The following MYO18B variants were observed in gnomAD, a reference collection of about 807,000 sequenced individuals.
MYO18B encodes the protein unconventional myosin-XVIIIb.
Under a neutral mutation model 273.0 loss-of-function variants are expected in MYO18B, and 204 were observed. The ratio of observed to expected loss-of-function variants is 0.75; its 90% CI spans 0.67 to 0.84. MYO18B has a LOEUF of 0.84. Ranked by LOEUF, MYO18B falls within the 40% of genes least tolerant of loss-of-function variation. The pLI is 0.00. For synonymous variants in MYO18B, 1,330 were observed against 1,305.7 expected (o/e 1.02, Z -0.40); for missense variants, 3,212 against 3,287.6 (o/e 0.98, Z 0.56).
intron 27 of MYO18B, among the ~76,000 whole-genome samples, chr22:25,891,613 A>G (rs922875599): frequency 6.6e-6 from 1 of 152,242 alleles, no homozygotes; most frequent in Non-Finnish European, 1.5e-5. Context: ...TAATCCAACA[A>G]TATCCCAGGT....
intron 21 of MYO18B, among the ~76,000 whole-genome samples, chr22:25,858,661 GA>G (rs1302929551): frequency 1.3e-5 from 2 of 150,986 alleles, no homozygotes; most frequent in African/African-American, 4.9e-5. Context: ...GGATGTGACT[GA>G]AATCAGTTAG....
chr22:26,027,211 C>T lies in MYO18B; in HGVS notation c.7237C>T (p.His2413Tyr). 1.2e-6 allele frequency: 2 copies of T among 1,613,976 alleles called. No homozygotes were observed. Among genetic ancestry groups the T allele is most frequent in the Non-Finnish European group, 1.7e-6 (2 of 1,179,886 alleles). Reference sequence around the variant, plus strand: ...TGTTTTCCAGAACCGCCAGTTTGCCCACCTGATGGAGGAACCTCTAGGCAG... The same window carrying T: ...TGTTTTCCAGAACCGCCAGTTTGCCTACCTGATGGAGGAACCTCTAGGCAG... Reference protein sequence around the residue: ...PLVFQNRQFAHLMEEPLGSDP... With the variant: ...PLVFQNRQFAYLMEEPLGSDP... Residue 2413 changes from histidine to tyrosine, a missense_variant, in exon 43 of 44, where the codon CAC (histidine) becomes TAC (tyrosine). Transcript: ENST00000335473. The surrounding 1 kb of genome is among the most constrained non-coding windows in gnomAD (Gnocchi z 4.1).
chr22:25,840,903 T>C (rs2090063753), intron 17 of MYO18B, among the ~76,000 whole-genome samples: 1 of 152,224 alleles, frequency 6.6e-6, no homozygotes, highest in Non-Finnish European at 1.5e-5. Context: ...CCATATCCTT[T>C]GCCTTAAACC....
At chr22:25,814,871 A>G (rs567608083) in intron 12 of MYO18B, among the ~76,000 whole-genome samples, 1 of 152,298 alleles carries the variant, frequency 6.6e-6, no homozygotes, top group African/African-American at 2.4e-5. Flanking sequence ...TACCCATTTT[A>G]TGGATGAGTA....
intron 10 of MYO18B, among the ~76,000 whole-genome samples, chr22:25,782,552 C>T (rs946605915): frequency 3.3e-5 from 5 of 152,192 alleles, no homozygotes; most frequent in Admixed American, 2.6e-4. Context: ...ATGTGGCTTC[C>T]TCTCCCAGAG....
chr22:25,797,545 G>T (rs934534010), intron 11 of MYO18B, among the ~76,000 whole-genome samples: 4 of 152,014 alleles, frequency 2.6e-5, no homozygotes, highest in African/African-American at 9.7e-5. Flanking sequence ...GTATCAACCT[G>T]TACCCATAGC....
At chr22:25,870,449 T>C (rs1161064830) in intron 22 of MYO18B, among the ~76,000 whole-genome samples, 1 of 152,172 alleles carries the variant, frequency 6.6e-6, no homozygotes, top group Non-Finnish European at 1.5e-5. Context: ...ATAGAAAAAG[T>C]AGAGTAAGGA....
rs143197648 is a variant in MYO18B at position 26,027,390 on chromosome 22, C to T, written c.7416C>T (p.Ser2472=). 2.0e-4 allele frequency: 326 copies of T among 1,613,998 alleles called. No individual in the cohort carries two copies. The African/African-American group carries it at 3.8e-3, about 19-fold the overall frequency. ...KGGQDGSQRS[S]IHFETEEANR... is the part of the protein sequence containing the mutation. ...GGCAAGACGGTTCACAGCGTTCAAG[C>T]ATCCACTTTGAAACGGAAGAGGCTA... Residue 2472 remains serine, a synonymous_variant, in exon 43 of 44, where the codon AGC becomes AGT. Transcript: ENST00000335473. This position sits in a 1 kb window ranked among gnomAD's most constrained non-coding sequence, Gnocchi z 4.1.
At chr22:25,903,393 A>T in intron 30 of MYO18B, 1 of 525,024 alleles carries the variant, frequency 1.9e-6, no homozygotes. Flanking sequence ...TCTAGGGACA[A>T]TTTATTCCAA....
chr22:26,044,547 C>T, the MYO18B span, among the ~76,000 whole-genome samples: 1 of 152,192 alleles, frequency 6.6e-6, no homozygotes, highest in Non-Finnish European at 1.5e-5. Flanking sequence ...TTTAATTCTC[C>T]CTGACACGTC....
At chr22:26,040,281 C>A in the MYO18B span, among the ~76,000 whole-genome samples, 1 of 152,120 alleles carries the variant, frequency 6.6e-6, no homozygotes, top group African/African-American at 2.4e-5. Context: ...CTTAGGTTTG[C>A]AGCTCTCTAT....
At chr22:25,977,457 G>A (rs1450383464) in intron 39 of MYO18B, among the ~76,000 whole-genome samples, 1 of 152,178 alleles carries the variant, frequency 6.6e-6, no homozygotes, top group Non-Finnish European at 1.5e-5. Context: ...GTCACATTGG[G>A]AGTAGTGGTT....
intron 1 of MYO18B, among the ~76,000 whole-genome samples, chr22:25,755,969 C>T (rs1034603352): frequency 2.0e-5 from 3 of 152,032 alleles, no homozygotes; most frequent in Admixed American, 6.6e-5. Flanking sequence ...ACGATGTCAG[C>T]TCACTGCAAG....
intron 30 of MYO18B, 78 bp downstream of exon 30, chr22:25,902,814 A>G: frequency 1.4e-6 from 2 of 1,473,162 alleles, no homozygotes; most frequent in East Asian, 2.5e-5. Context: ...ACCTGCTGCA[A>G]ATGGTGACAG....
At chr22:26,058,190 C>G in the MYO18B span, among the ~76,000 whole-genome samples, 1 of 152,134 alleles carries the variant, frequency 6.6e-6, no homozygotes, top group African/African-American at 2.4e-5. Flanking sequence ...AGTACTAGGG[C>G]AGACCAACTT....
At position 25,947,764 on chromosome 22, in the gene MYO18B, G is replaced by A. The variant is rs370592345; in HGVS notation, c.5684G>A (p.Arg1895His). The A allele has an allele frequency of 2.7e-5, 44 of 1,613,708 alleles. No individual in the cohort carries two copies. The highest frequency in any genetic ancestry group is 1.7e-4 in the Middle Eastern group (1 of 6,048). The change falls in exon 36 of 44, where the codon CGC becomes CAC. Residue 1895 changes from arginine to histidine, a missense_variant. By Grantham distance (29) the Arg-to-His change is conservative. Transcript: ENST00000335473. ...LQFEKADLLK[R>H]IDEDQDDLNE... ...TTTGAGAAGGCGGACCTCCTGAAGC[G>A]CATCGATGAGGACCAGGATGACCTG...
chr22:25,970,088 C>G (rs1331107370), intron 39 of MYO18B, among the ~76,000 whole-genome samples: 4 of 152,148 alleles, frequency 2.6e-5, no homozygotes, highest in Non-Finnish European at 5.9e-5. Context: ...TCACTGTCAT[C>G]ATCACCACCA....
intron 18 of MYO18B, 31 bp from the exon 19 acceptor site, chr22:25,846,069 G>A (rs2090232785): frequency 6.7e-7 from 1 of 1,483,134 alleles, no homozygotes; most frequent in Admixed American, 2.7e-5. Context: ...ACCTCCTAAA[G>A]CTCCTCTCTC....
At chr22:25,780,656 A>G (rs1282749049) in intron 9 of MYO18B, among the ~76,000 whole-genome samples, 1 of 150,136 alleles carries the variant, frequency 6.7e-6, no homozygotes, top group Non-Finnish European at 1.5e-5. Context: ...TAATAATAAT[A>G]AAATAATGAA....
Sources: gnomAD v4.1 joint callset for allele counts (sites outside exome capture counted in the v4.1 genomes callset) on GRCh38, gnomAD v4.1.1 for gene constraint, Gnocchi (gnomAD v3.1) non-coding constraint, MANE v1.5 for transcripts, NCBI Gene and HGNC (gene_info 2026-07-23, HGNC 2026-07-21) for gene names.